The following SKAP2 variants were observed in gnomAD, a reference collection of about 807,000 sequenced individuals.
SKAP2 encodes src kinase-associated phosphoprotein 2.
A neutral mutation model predicts 54.9 loss-of-function variants in SKAP2; 28 were observed. The ratio of observed to expected loss-of-function variants is 0.51; its 90% CI spans 0.38 to 0.70. The LOEUF (loss-of-function observed/expected upper bound fraction) is 0.70. Ranked by LOEUF, SKAP2 falls within the 30% of genes least tolerant of loss-of-function variation. SKAP2 has a pLI of 0.00. For missense variants in SKAP2, 356 were observed against 424.1 expected, an observed-to-expected ratio of 0.84 and a Z score of 1.41; for synonymous variants, 137 against 134.3, an observed-to-expected ratio of 1.02 and a Z score of -0.14.
chr7:26,834,648 G>A (rs758809905), intron 4 of SKAP2, among the ~76,000 whole-genome samples: 1 of 152,158 alleles, frequency 6.6e-6, no homozygotes, highest in Non-Finnish European at 1.5e-5. Context: ...AAACCAGGAA[G>A]AAGTCAAATC....
intron 4 of SKAP2, among the ~76,000 whole-genome samples, chr7:26,842,972 C>G (rs571554159): frequency 6.6e-6 from 1 of 151,988 alleles, no homozygotes; most frequent in Non-Finnish European, 1.5e-5. Context: ...TATTGCTACA[C>G]TTTGTACAAA....
At chr7:26,819,391 G>A (rs560061620) in intron 4 of SKAP2, among the ~76,000 whole-genome samples, 1 of 152,084 alleles carries the variant, frequency 6.6e-6, no homozygotes, top group Non-Finnish European at 1.5e-5. Flanking sequence ...CACAAGGAAG[G>A]GAACATCACA....
At chr7:26,730,768 T>G (rs1369129918) in intron 6 of SKAP2, among the ~76,000 whole-genome samples, 1 of 152,190 alleles carries the variant, frequency 6.6e-6, no homozygotes, top group African/African-American at 2.4e-5. Flanking sequence ...TAAAAAGCAG[T>G]TGGCTCTGAT....
chr7:26,704,949 G>A (rs1562581442), intron 9 of SKAP2, among the ~76,000 whole-genome samples: 2 of 152,182 alleles, frequency 1.3e-5, no homozygotes, highest in Non-Finnish European at 2.9e-5. Flanking sequence ...CAAAATGTCT[G>A]CTCTTATGTA....
chr7:26,661,661 C>CAA, the SKAP2 span, among the ~76,000 whole-genome samples: 1 of 152,076 alleles, frequency 6.6e-6, no homozygotes, highest in African/African-American at 2.4e-5. Context: ...AAAGGAGAAT[C>CAA]AAATCTCAAA....
intron 4 of SKAP2, among the ~76,000 whole-genome samples, chr7:26,817,774 G>A (rs1784301723): frequency 6.6e-6 from 1 of 152,098 alleles, no homozygotes; most frequent in South Asian, 2.1e-4. Context: ...AAAATCACAA[G>A]CATTCCTATA....
intron 9 of SKAP2, among the ~76,000 whole-genome samples, chr7:26,712,584 T>A (rs1299385160): frequency 6.6e-6 from 1 of 152,214 alleles, no homozygotes. Context: ...TGCTATCTCC[T>A]AGCTTGTGCC....
At chr7:26,774,214 G>A (rs1783251039) in intron 4 of SKAP2, among the ~76,000 whole-genome samples, 1 of 152,142 alleles carries the variant, frequency 6.6e-6, no homozygotes, top group Non-Finnish European at 1.5e-5. Context: ...TCAGGAGGCT[G>A]AGGCAGGAGA....
intron 4 of SKAP2, among the ~76,000 whole-genome samples, chr7:26,836,507 C>A (rs979991230): frequency 5.3e-5 from 8 of 152,090 alleles, no homozygotes; most frequent in Non-Finnish European, 1.2e-4. Context: ...AAACAAACAA[C>A]CCCACCAAAA....
chr7:26,816,690 A>G (rs1173800630), intron 4 of SKAP2, among the ~76,000 whole-genome samples: 3 of 152,120 alleles, frequency 2.0e-5, no homozygotes, highest in Non-Finnish European at 4.4e-5. Context: ...TCAAACAACA[A>G]TCAGTAACAG....
chr7:26,761,923 G>T (rs1035704470), intron 4 of SKAP2, among the ~76,000 whole-genome samples: 2 of 151,970 alleles, frequency 1.3e-5, no homozygotes, highest in South Asian at 2.1e-4. Context: ...TATATAATAG[G>T]GTGACCTTTC....
chr7:26,845,052 A>T (rs10236221), intron 3 of SKAP2, among the ~76,000 whole-genome samples: 32,221 of 152,138 alleles, frequency 0.21, 3,497 homozygotes, highest in Non-Finnish European at 0.24. Context: ...CAAAGAAAAA[A>T]GTATGCTTAA....
At chr7:26,726,762 C>A (rs888321426) in intron 7 of SKAP2, 120 bp downstream of exon 7, 2 of 803,624 alleles carry the variant, frequency 2.5e-6, no homozygotes, top group Non-Finnish European at 1.8e-6. Flanking sequence ...TATATTTAAA[C>A]ATCAGTATTT....
chr7:26,839,295 T>C (rs1178018853), intron 4 of SKAP2, among the ~76,000 whole-genome samples: 1 of 152,154 alleles, frequency 6.6e-6, no homozygotes, highest in Non-Finnish European at 1.5e-5. Flanking sequence ...TTCTGTCATT[T>C]CCTCAACTAT....
intron 4 of SKAP2, among the ~76,000 whole-genome samples, chr7:26,809,739 TA>T (rs1784100901): frequency 1.3e-5 from 2 of 152,188 alleles, no homozygotes; most frequent in African/African-American, 4.8e-5. Context: ...TATGATCCAG[TA>T]ATCCCACTTC....
At chr7:26,674,314 A>T (rs1584323236) in intron 11 of SKAP2, among the ~76,000 whole-genome samples, 1 of 152,214 alleles carries the variant, frequency 6.6e-6, no homozygotes, top group East Asian at 1.9e-4. Flanking sequence ...CTTCATTGTG[A>T]TATCTTTATT....
intron 4 of SKAP2, among the ~76,000 whole-genome samples, chr7:26,782,758 G>A (rs1448705271): frequency 6.6e-6 from 1 of 152,172 alleles, no homozygotes; most frequent in Non-Finnish European, 1.5e-5. Flanking sequence ...CTGCGAATGG[G>A]ATTAAAGCCC....
At chr7:26,821,545 T>C (rs1784383074) in intron 4 of SKAP2, among the ~76,000 whole-genome samples, 1 of 152,210 alleles carries the variant, frequency 6.6e-6, no homozygotes, top group Non-Finnish European at 1.5e-5. Context: ...CTCTTTCTCA[T>C]GATATTAAAC....
intron 4 of SKAP2, among the ~76,000 whole-genome samples, chr7:26,814,090 CTA>C (rs1784214921): frequency 6.6e-6 from 1 of 152,130 alleles, no homozygotes; most frequent in East Asian, 1.9e-4. Context: ...AAATATAAAA[CTA>C]ATCATGATTT....
Sources: gnomAD v4.1 joint callset for allele counts (sites outside exome capture counted in the v4.1 genomes callset) on GRCh38, gnomAD v4.1.1 for gene constraint, MANE v1.5 for transcripts, NCBI Gene and HGNC (gene_info 2026-07-23, HGNC 2026-07-21) for gene names.